Variants in CLEC4C observed in about 807,000 individuals in gnomAD.
The protein encoded by CLEC4C is C-type lectin domain family 4 member C.
In CLEC4C, 17 loss-of-function variants were observed where a neutral mutation model predicts 27.7. The ratio of observed to expected loss-of-function variants is 0.61; its 90% CI spans 0.42 to 0.92. The LOEUF is 0.92. Ranked by LOEUF, CLEC4C falls within the 40% of genes least tolerant of loss-of-function variation. CLEC4C has a pLI of 0.00. For missense variants in CLEC4C, 244 were observed against 257.3 expected (o/e 0.95, Z 0.35); for synonymous variants, 80 against 80.8 (o/e 0.99, Z 0.06).
At chr12:7,747,044 G>A (rs967012607) in intron 1 of CLEC4C, among the ~76,000 whole-genome samples, 10 of 152,126 alleles carry the variant, frequency 6.6e-5, no homozygotes, top group African/African-American at 2.4e-4. Flanking sequence ...GGCTGGTCTC[G>A]AACTCCTGAC....
In CLEC4C at chr12:7,737,562, C is replaced by T. The variant is rs1227328142; in HGVS notation, c.248G>A (p.Cys83Tyr). The T allele has an allele frequency of 1.4e-5, 23 of 1,612,994 alleles. No homozygotes were observed. Among genetic ancestry groups the T allele is most frequent in the Non-Finnish European group, 1.9e-5 (23 of 1,179,758 alleles). The change falls in exon 4 of 6, where the codon TGC (cysteine) becomes TAC (tyrosine). Residue 83 changes from cysteine to tyrosine, a missense_variant. Coordinates refer to ENST00000360345, the MANE Select transcript of CLEC4C (RefSeq NM_001371390.1). ...EGKDIEDWSCCPTPWTSFQSS... is the reference protein window; with the variant it reads ...EGKDIEDWSCYPTPWTSFQSS... ...CTGAAATGAAGTCCAAGGGGTTGGGCAGCAGCTCCAATCTTCCCAAATGAG... is the reference window on the plus strand; with the variant it reads ...CTGAAATGAAGTCCAAGGGGTTGGGTAGCAGCTCCAATCTTCCCAAATGAG...
At chr12:7,747,176 C>G in intron 1 of CLEC4C, 142 bp downstream of exon 1, 2 of 806,010 alleles carry the variant, frequency 2.5e-6, no homozygotes, top group South Asian at 1.5e-5. Context: ...TGGGTCCATA[C>G]CTGTTTCCAT....
intron 4 of CLEC4C, among the ~76,000 whole-genome samples, chr12:7,733,432 TTTTG>T (rs1864645286): frequency 6.6e-6 from 1 of 150,934 alleles, no homozygotes; most frequent in South Asian, 2.1e-4. Flanking sequence ...CCTGGCTAAT[TTTTG>T]TATTTTTAGT....
chr12:7,737,898 C>T (rs1864765168), intron 3 of CLEC4C, among the ~76,000 whole-genome samples: 1 of 151,954 alleles, frequency 6.6e-6, no homozygotes, highest in African/African-American at 2.4e-5. Flanking sequence ...AAAAAAAGAA[C>T]ATGAGTATGG....
rs566699617 is a variant in CLEC4C, at chr12:7,729,951, C to T, written c.498-211G>A. On this transcript the variant is annotated intron_variant, in intron 5 of 5. Transcript: ENST00000360345. ...TGGTATTTCCCCTGAAAACTGTTCCCATATGACCTAGTACTCTGTCATCTT... is the reference window on the plus strand; with the variant it reads ...TGGTATTTCCCCTGAAAACTGTTCCTATATGACCTAGTACTCTGTCATCTT... 6.3e-4 allele frequency among the ~76,000 whole-genome samples: 96 copies of T among 152,292 alleles called. 1 individual carries two copies. The South Asian group carries it at 9.3e-3, about 15-fold the overall frequency.
At chr12:7,745,704 A>T (rs1864959260) in intron 2 of CLEC4C, among the ~76,000 whole-genome samples, 1 of 149,778 alleles carries the variant, frequency 6.7e-6, no homozygotes, top group Non-Finnish European at 1.5e-5. Flanking sequence ...AAGTGCTGGG[A>T]TTACAGGCAT....
At position 7,733,466 on chromosome 12, in the gene CLEC4C, G is replaced by A. The variant is rs184876459; in HGVS notation, c.382-2554C>T. 1.2e-3 allele frequency among the ~76,000 whole-genome samples: 175 copies of A among 146,686 alleles called. 2 individuals carry two copies. The highest frequency in any genetic ancestry group is 3.8e-3 in the African/African-American group (152 of 39,644). ...TTTAGTAGAGATGGAGTTTCACCAT[G>A]TTGACCAAGCTGGTCTTTTTTTTTT... On this transcript the variant is annotated intron_variant, in intron 4 of 5. Coordinates refer to ENST00000360345, the MANE Select transcript of CLEC4C (RefSeq NM_001371390.1).
chr12:7,742,981 A>G (rs1428444832), intron 2 of CLEC4C, among the ~76,000 whole-genome samples: 3 of 151,928 alleles, frequency 2.0e-5, no homozygotes, highest in Non-Finnish European at 4.4e-5. Context: ...ACCCTATCTT[A>G]TATTCATTTA....
chr12:7,743,312 C>T (rs1207691863), intron 2 of CLEC4C, among the ~76,000 whole-genome samples: 3 of 152,060 alleles, frequency 2.0e-5, no homozygotes, highest in South Asian at 2.1e-4. Flanking sequence ...TTGCTAAAAA[C>T]GGTCTCTTTT....
In CLEC4C at chr12:7,729,446, G is replaced by A. The variant is rs1038254011; in HGVS notation, c.*150C>T. 8 of 629,014 alleles carry A rather than the reference G, an allele frequency of 1.3e-5. No homozygotes were observed. Among genetic ancestry groups the A allele is most frequent in the Non-Finnish European group, 2.2e-5 (8 of 366,494 alleles). The allele number at this position is 629,014 out of a possible 1,614,324, so 39.0% of individuals were successfully genotyped here. A position where few individuals can be genotyped will look rare whatever the true frequency, so the allele number is the denominator to read the frequency against. On this transcript the variant is annotated 3_prime_UTR_variant, in exon 6 of 6. Transcript: ENST00000360345. The stretch of plus-strand genomic sequence containing the variant: ...TAAATGAATAAATGAATGTGTGAAT[G>A]GATTATATCATAAGTGTAATAGGTG...
At chr12:7,747,271 A>T in intron 1 of CLEC4C, 47 bp downstream of exon 1, 1 of 1,586,560 alleles carries the variant, frequency 6.3e-7, no homozygotes, top group Non-Finnish European at 8.7e-7. Context: ...TTCCCACTCC[A>T]TCCTGCTCCT....
chr12:7,748,034 C>T (rs887697545), upstream of CLEC4C, among the ~76,000 whole-genome samples: 1 of 151,822 alleles, frequency 6.6e-6, no homozygotes. Context: ...CTGGGGTTAC[C>T]GTTGTGAGCC....
chr12:7,747,169 G>C (rs1292941598), intron 1 of CLEC4C, 149 bp downstream of exon 1: 1 of 774,654 alleles, frequency 1.3e-6, no homozygotes, highest in Non-Finnish European at 2.3e-6. Flanking sequence ...AGTATCTTGG[G>C]TCCATACCTG....
intron 4 of CLEC4C, among the ~76,000 whole-genome samples, chr12:7,735,064 G>C (rs968968666): frequency 6.6e-6 from 1 of 151,626 alleles, no homozygotes; most frequent in African/African-American, 2.4e-5. Context: ...AGCCAGGAGC[G>C]GTGGCATGCA....
intron 2 of CLEC4C, among the ~76,000 whole-genome samples, chr12:7,743,499 C>T (rs1206796047): frequency 6.6e-6 from 1 of 151,918 alleles, no homozygotes; most frequent in Non-Finnish European, 1.5e-5. Context: ...ATTCTCCTGC[C>T]TCAGCCTCCT....
In CLEC4C at chr12:7,737,529, CA is replaced by C; in HGVS notation, c.280del (p.Cys94AlafsTer20). 1 of 1,613,880 alleles carries C rather than the reference CA, an allele frequency of 6.2e-7. No homozygotes were observed. The highest frequency in any genetic ancestry group is 8.5e-7 in the Non-Finnish European group (1 of 1,179,934). Reference protein sequence around the residue: ...PTPWTSFQSSCYFISTGMQSW... With the variant: ...PTPWTSFQSSXYFISTGMQSW... ...TTGCATCCCAGTAGAAATAAAGTAG[CA>C]ACTAGACTGAAATGAAGTCCAAGGG... On this transcript the variant is annotated frameshift_variant, in exon 4 of 6. Transcript: ENST00000360345. LOFTEE classifies it high-confidence loss of function.
intron 4 of CLEC4C, among the ~76,000 whole-genome samples, chr12:7,733,756 C>T (rs1366165668): frequency 6.6e-6 from 1 of 152,028 alleles, no homozygotes; most frequent in Non-Finnish European, 1.5e-5. Flanking sequence ...GCTGGGATTA[C>T]AGGCGTGAGC....
At chr12:7,746,243 A>T in intron 2 of CLEC4C, 88 bp downstream of exon 2, 1 of 781,590 alleles carries the variant, frequency 1.3e-6, no homozygotes, top group Non-Finnish European at 2.1e-6. Context: ...AGAAAAAAAA[A>T]GAAAGAGGAA....
chr12:7,747,418 A>G (rs922745242), upstream of CLEC4C: 53 of 1,493,780 alleles, frequency 3.5e-5, no homozygotes, highest in Non-Finnish European at 4.8e-5. Flanking sequence ...ACTTTCTCCA[A>G]AGATGTTACT....
Sources: gnomAD v4.1 joint callset for allele counts (sites outside exome capture counted in the v4.1 genomes callset) on GRCh38, gnomAD v4.1.1 for gene constraint, MANE v1.5 for transcripts, NCBI Gene and HGNC (gene_info 2026-07-23, HGNC 2026-07-21) for gene names.